LDLRAP1: variants seen among roughly 807,000 people sequenced by gnomAD.
LDLRAP1 encodes low density lipoprotein receptor adapter protein 1.
In LDLRAP1, 30 loss-of-function variants were observed where a neutral mutation model predicts 37.8. The ratio of observed to expected loss-of-function variants is 0.79; its 90% CI spans 0.59 to 1.08. The LOEUF (loss-of-function observed/expected upper bound fraction) is 1.08. Among genes scored for constraint, LDLRAP1 ranks in the 50% least tolerant of loss-of-function variants. The pLI is 0.00. For missense variants in LDLRAP1, 375 were observed against 401.6 expected (o/e 0.93, Z 0.57); for synonymous variants, 156 against 169.8 (o/e 0.92, Z 0.63).
In LDLRAP1 at chr1:25,554,508, G is replaced by C. The variant is rs1368175065; in HGVS notation, c.232-352G>C. Among the ~76,000 whole-genome samples the C allele has an allele frequency of 7.2e-5, 11 of 152,212 alleles. No homozygotes were observed. The highest frequency in any genetic ancestry group is 2.7e-4 in the African/African-American group (11 of 41,458). ...ACCCCTCAGCTCAATGGATGGAGCAGAGTACTCAGGAGTCATCCTGCTGGG... is the reference window on the plus strand; with the variant it reads ...ACCCCTCAGCTCAATGGATGGAGCACAGTACTCAGGAGTCATCCTGCTGGG... On this transcript the variant is annotated intron_variant, in intron 2 of 8. Coordinates refer to ENST00000374338, the MANE Select transcript of LDLRAP1 (RefSeq NM_015627.3). The surrounding 1 kb of genome is among the most constrained non-coding windows in gnomAD (Gnocchi z 5.4).
chr1:25,566,949 C>T lies in LDLRAP1; in HGVS notation c.884C>T (p.Pro295Leu), dbSNP rs780970900. 1 of 1,613,564 alleles carries T rather than the reference C, an allele frequency of 6.2e-7. No homozygotes were observed. Among genetic ancestry groups the T allele is most frequent in the South Asian group, 1.1e-5 (1 of 91,088 alleles). Residue 295 changes from proline to leucine, a missense_variant, in exon 9 of 9, where the codon CCT (proline) becomes CTT (leucine). By Grantham distance (98) the Pro-to-Leu change is moderately conservative. Transcript: ENST00000374338. Reference protein sequence around the residue: ...QCLSPVDWDKPDSSGTEQDDL... With the variant: ...QCLSPVDWDKLDSSGTEQDDL... Reference sequence around the variant, plus strand: ...CTCTCGCCTGTCGACTGGGACAAGCCTGACAGCAGCGGCACAGAGCAGGAT... The same window carrying T: ...CTCTCGCCTGTCGACTGGGACAAGCTTGACAGCAGCGGCACAGAGCAGGAT...
intron 4 of LDLRAP1, among the ~76,000 whole-genome samples, chr1:25,562,161 C>G (rs1428666115): frequency 6.6e-6 from 1 of 152,228 alleles, no homozygotes; most frequent in Non-Finnish European, 1.5e-5. Context: ...TAACTTTCAC[C>G]TCTCTGGCTG....
chr1:25,549,407 A>T (rs2044016125), intron 1 of LDLRAP1, among the ~76,000 whole-genome samples: 1 of 152,196 alleles, frequency 6.6e-6, no homozygotes, highest in Admixed American at 6.5e-5. Flanking sequence ...CCAGCCAGGC[A>T]GGGTCTCTGG....
rs2044373060 is a variant in LDLRAP1 at position 25,562,734 on chromosome 1, C to T, written c.532+18C>T. 1 of 1,610,932 alleles carries T rather than the reference C, an allele frequency of 6.2e-7. No homozygotes were observed. The highest frequency in any genetic ancestry group is 8.5e-7 in the Non-Finnish European group (1 of 1,177,068). ...CAAGGAAGGTGAGACTTTGCATCTA[C>T]ATTGTGGGTGTGGTGGGAGGTGGGG... On this transcript the variant is annotated intron_variant, in intron 5 of 8. Coordinates refer to ENST00000374338, the MANE Select transcript of LDLRAP1 (RefSeq NM_015627.3).
chr1:25,570,520 C>T (rs1475720843), downstream of LDLRAP1, among the ~76,000 whole-genome samples: 3 of 152,118 alleles, frequency 2.0e-5, no homozygotes, highest in South Asian at 2.1e-4. Flanking sequence ...GGTCTTCCTC[C>T]GGCCATTCCC....
downstream of LDLRAP1, among the ~76,000 whole-genome samples, chr1:25,572,329 C>A (rs1379651417): frequency 6.6e-6 from 1 of 152,182 alleles, no homozygotes; most frequent in Non-Finnish European, 1.5e-5. Context: ...TGGGAGTCCA[C>A]TTTGCCGGCT....
chr1:25,564,701 C>A, intron 7 of LDLRAP1: 1 of 176,732 alleles, frequency 5.7e-6, no homozygotes, highest in Admixed American at 5.5e-5. Flanking sequence ...TGTGGGACTC[C>A]TGGCATCAGT....
Position 25,555,513 on chromosome 1 carries a change from A to G in LDLRAP1, c.344+541A>G, listed in dbSNP as rs1252313653. On this transcript the variant is annotated intron_variant, in intron 3 of 8. Transcript: ENST00000374338. The surrounding 1 kb of genome is among the most constrained non-coding windows in gnomAD (Gnocchi z 4.7). ...TTTTCAGAACTGGAAGGGACAGCTCAGGTCCATTTTACAGATGGAGAAGCT... is the reference window on the plus strand; with the variant it reads ...TTTTCAGAACTGGAAGGGACAGCTCGGGTCCATTTTACAGATGGAGAAGCT... Among the ~76,000 whole-genome samples, 1 of 152,178 alleles carries G rather than the reference A, an allele frequency of 6.6e-6. No homozygotes were observed. Among genetic ancestry groups the G allele is most frequent in the Non-Finnish European group, 1.5e-5 (1 of 68,028 alleles).
chr1:25,589,830 C>T, the LDLRAP1 span, among the ~76,000 whole-genome samples: 15 of 152,176 alleles, frequency 9.9e-5, no homozygotes, highest in South Asian at 2.1e-4. Flanking sequence ...GGGCCGGGCG[C>T]GGTGGCTCAT....
rs2044370386 is a variant in LDLRAP1, at chr1:25,562,653, G to A, written c.469G>A (p.Val157Ile). 2 of 1,614,194 alleles carry A rather than the reference G, an allele frequency of 1.2e-6. No individual in the cohort carries two copies. Among genetic ancestry groups the A allele is most frequent in the Middle Eastern group, 1.7e-4 (1 of 6,060 alleles). The change falls in exon 5 of 9, where the codon GTT becomes ATT. Residue 157 changes from valine to isoleucine, a missense_variant. Transcript: ENST00000374338. The stretch of plus-strand genomic sequence containing the variant: ...CACTTCCTGTTTTCAGGCACAGGCT[G>A]TTACCCTCACCGTAGCCCAGGCCTT... ...LCTKRKMAQA[V>I]TLTVAQAFKV...
Position 25,544,144 on chromosome 1 carries a change from G to C in LDLRAP1, c.88+358G>C, listed in dbSNP as rs2043873394. Among the ~76,000 whole-genome samples the C allele has an allele frequency of 6.6e-6, 1 of 152,132 alleles. No homozygotes were observed. Reference sequence around the variant, plus strand: ...GCCAGCTAGGGGGAGGCAGGCGCTCGTCGTCGGTGCCTAGGGGAGGAGGAG... The same window carrying C: ...GCCAGCTAGGGGGAGGCAGGCGCTCCTCGTCGGTGCCTAGGGGAGGAGGAG... On this transcript the variant is annotated intron_variant, in intron 1 of 8. Transcript: ENST00000374338. This position sits in a 1 kb window ranked among gnomAD's most constrained non-coding sequence, Gnocchi z 4.8.
chr1:25,557,270 C>A lies in LDLRAP1; in HGVS notation c.459+3C>A. ...TCCTCTGCACCAAGCGGAAGATGGT[C>A]AGCGGGGAGGGCTGGGGCGGGGACA... On this transcript the variant is annotated splice_donor_region_variant and intron_variant, in intron 4 of 8. Coordinates refer to ENST00000374338, the MANE Select transcript of LDLRAP1 (RefSeq NM_015627.3). The A allele has an allele frequency of 1.9e-6, 3 of 1,605,546 alleles. No homozygotes were observed. The highest frequency in any genetic ancestry group is 2.6e-6 in the Non-Finnish European group (3 of 1,172,142).
At chr1:25,564,823 G>A (rs2124695801) in intron 7 of LDLRAP1, 2 of 304,000 alleles carry the variant, frequency 6.6e-6, no homozygotes, top group South Asian at 8.4e-5. Context: ...GAAGTCATCA[G>A]GTCCAATGCC....
At chr1:25,557,349 A>G (rs2044229149) in intron 4 of LDLRAP1, 82 bp downstream of exon 4, 3 of 1,084,724 alleles carry the variant, frequency 2.8e-6, no homozygotes, top group Non-Finnish European at 4.3e-6. Context: ...CTGGTGTGGG[A>G]GGCAGGACCC....
intron 5 of LDLRAP1, 153 bp downstream of exon 5, chr1:25,562,869 A>ATTTT: frequency 1.2e-6 from 1 of 824,692 alleles, no homozygotes; most frequent in Non-Finnish European, 2.1e-6. Flanking sequence ...CGGTTTTCCC[A>ATTTT]TCTGAAAAAT....
chr1:25,573,608 G>A (rs1048102353), downstream of LDLRAP1, among the ~76,000 whole-genome samples: 1 of 152,210 alleles, frequency 6.6e-6, no homozygotes, highest in Non-Finnish European at 1.5e-5. Flanking sequence ...ACTGTTGGGG[G>A]GCAGGGAGGG....
the LDLRAP1 span, among the ~76,000 whole-genome samples, chr1:25,582,308 T>C: frequency 3.5e-4 from 54 of 152,346 alleles, no homozygotes; most frequent in Non-Finnish European, 6.6e-4. Flanking sequence ...TAGAATGGTC[T>C]GGGCGTGGTG....
rs1055895413 is a variant in LDLRAP1 at position 25,567,929 on chromosome 1, C to T, written c.*937C>T. 1 of 152,210 alleles carries T rather than the reference C, an allele frequency of 6.6e-6. No homozygotes were observed. Among genetic ancestry groups the T allele is most frequent in the African/African-American group, 2.4e-5 (1 of 41,298 alleles). 9.4% of individuals were successfully genotyped at this position (152,210 alleles called of 1,614,324 possible). A position where few individuals can be genotyped will look rare whatever the true frequency, so the allele number is the denominator to read the frequency against. The stretch of plus-strand genomic sequence containing the variant: ...CTGGGATGATGTGTGAAACCTGACA[C>T]CTAGATTTATTTGGAAATATTCTAT... On this transcript the variant is annotated 3_prime_UTR_variant, in exon 9 of 9. Coordinates refer to ENST00000374338, the MANE Select transcript of LDLRAP1 (RefSeq NM_015627.3).
chr1:25,564,055 C>T, intron 7 of LDLRAP1: 1 of 510,738 alleles, frequency 2.0e-6, no homozygotes, highest in Non-Finnish European at 3.6e-6. Context: ...CACGGCTCTG[C>T]CCACCACAAG....
Sources: allele counts gnomAD v4.1 joint callset (sites outside exome capture counted in the v4.1 genomes callset), GRCh38; gene constraint gnomAD v4.1.1; non-coding constraint Gnocchi (gnomAD v3.1); transcripts MANE v1.5; gene names NCBI Gene and HGNC (gene_info 2026-07-23, HGNC 2026-07-21).